Variants in SLC14A2 observed in about 807,000 individuals in gnomAD.
SLC14A2 encodes the protein urea transporter 2.
In SLC14A2, 91 loss-of-function variants were observed where a neutral mutation model predicts 104.6. The observed-to-expected ratio is 0.87, with a 90% CI of 0.73 to 1.04. SLC14A2 has a LOEUF of 1.04. Ranked by LOEUF, SLC14A2 falls within the 50% of genes least tolerant of loss-of-function variation. The pLI is 0.00. For synonymous variants in SLC14A2, 476 were observed against 466.4 expected (o/e 1.02, Z -0.27); for missense variants, 1,189 against 1,156.0 (o/e 1.03, Z -0.41).
intron 1 of SLC14A2, among the ~76,000 whole-genome samples, chr18:45,456,408 C>G (rs556368978): frequency 3.2e-4 from 49 of 152,346 alleles, no homozygotes; most frequent in African/African-American, 1.2e-3. Flanking sequence ...CTGTTAGTCT[C>G]CTTGCATCCA....
chr18:45,666,838 G>C, intron 12 of SLC14A2, 97 bp from the exon 13 acceptor site: 1 of 997,604 alleles, frequency 1.0e-6, no homozygotes, highest in Non-Finnish European at 1.5e-6. Flanking sequence ...AATACCAAAT[G>C]ACAATCTTAT....
At chr18:45,392,311 T>C (rs778761227) in intron 1 of SLC14A2, among the ~76,000 whole-genome samples, 10 of 152,318 alleles carry the variant, frequency 6.6e-5, no homozygotes, top group Middle Eastern at 3.4e-3. Context: ...TTTGATTTTG[T>C]TTGATCTATG....
chr18:45,433,490 A>G (rs1433746421), intron 1 of SLC14A2, among the ~76,000 whole-genome samples: 1 of 152,096 alleles, frequency 6.6e-6, no homozygotes, highest in Non-Finnish European at 1.5e-5. Context: ...TGCTTTCTTT[A>G]TTTCTGAAAC....
intron 1 of SLC14A2, among the ~76,000 whole-genome samples, chr18:45,246,452 A>G (rs940096488): frequency 6.6e-6 from 1 of 152,234 alleles, no homozygotes; most frequent in Non-Finnish European, 1.5e-5. Context: ...TACATATTTT[A>G]TATAGTGTAT....
chr18:45,188,121 G>A, the SLC14A2 span, among the ~76,000 whole-genome samples: 13,518 of 152,010 alleles, frequency 0.089, 644 homozygotes, highest in East Asian at 0.13. Flanking sequence ...ATAATCCAGG[G>A]GCCCTTATAA....
chr18:45,628,375 C>T (rs1443673962), intron 4 of SLC14A2, among the ~76,000 whole-genome samples: 9 of 149,100 alleles, frequency 6.0e-5, no homozygotes, highest in Non-Finnish European at 1.0e-4. Flanking sequence ...ACCCGGGAGG[C>T]GGAGGTTGCA....
chr18:45,378,329 G>T (rs992181865), intron 1 of SLC14A2, among the ~76,000 whole-genome samples: 1 of 152,208 alleles, frequency 6.6e-6, no homozygotes, highest in Non-Finnish European at 1.5e-5. Flanking sequence ...GGTCTCCAGA[G>T]TAAAATCTTA....
At chr18:45,364,421 CTG>C (rs1273318376) in intron 1 of SLC14A2, among the ~76,000 whole-genome samples, 1 of 152,170 alleles carries the variant, frequency 6.6e-6, no homozygotes, top group Admixed American at 6.5e-5. Context: ...CTCTTGATCA[CTG>C]TGAGAGTAGA....
At chr18:45,221,911 G>A (rs1475866501) in intron 1 of SLC14A2, among the ~76,000 whole-genome samples, 2 of 152,022 alleles carry the variant, frequency 1.3e-5, no homozygotes, top group East Asian at 3.9e-4. Flanking sequence ...TAAAAGTTGA[G>A]GATGGAGAGT....
rs756699173 is a variant in SLC14A2 at position 45,668,475 on chromosome 18, T to C, written c.2034T>C (p.Ser678=). 3.1e-6 allele frequency: 5 copies of C among 1,614,122 alleles called. No homozygotes were observed. In the Admixed American group the frequency reaches 8.3e-5, roughly 27 times the overall value. Residue 678 remains serine (S), a splice_region_variant and synonymous_variant, in exon 15 of 20, where the codon TCT becomes TCC. Transcript: ENST00000255226. ...TACCCGTCATCATCATGTCCATGTC[T>C]TGGTAAGTTTGCTTTTGAAGGGTTG... ...LLLPVIIMSM[S]CPILSSALGT... is the part of the protein sequence containing the mutation.
chr18:45,437,631 C>T (rs1475426386), intron 1 of SLC14A2, among the ~76,000 whole-genome samples: 1 of 152,294 alleles, frequency 6.6e-6, no homozygotes, highest in South Asian at 2.1e-4. Flanking sequence ...ACTCGGTCAC[C>T]GCCCTCCAGC....
chr18:45,594,263 A>G (rs1439609272), intron 2 of SLC14A2, among the ~76,000 whole-genome samples: 1 of 152,228 alleles, frequency 6.6e-6, no homozygotes, highest in Non-Finnish European at 1.5e-5. Flanking sequence ...ACCAGGATGC[A>G]GAGTATTAGG....
chr18:45,443,973 A>C (rs2086723702), intron 1 of SLC14A2, among the ~76,000 whole-genome samples: 1 of 152,190 alleles, frequency 6.6e-6, no homozygotes, highest in Non-Finnish European at 1.5e-5. Flanking sequence ...GCAGTACAAA[A>C]TTCCTGGAAA....
At chr18:45,390,389 T>G (rs2144409769) in intron 1 of SLC14A2, among the ~76,000 whole-genome samples, 1 of 152,284 alleles carries the variant, frequency 6.6e-6, no homozygotes, top group South Asian at 2.1e-4. Context: ...TGAGTGATCT[T>G]CCCATATGCT....
chr18:45,257,604 A>G (rs2084492870), intron 1 of SLC14A2, among the ~76,000 whole-genome samples: 4 of 152,176 alleles, frequency 2.6e-5, no homozygotes, highest in South Asian at 2.1e-4. Flanking sequence ...ATTGTTTCCA[A>G]TTGATTTCTT....
chr18:45,208,144 A>G (rs2083931122), upstream of SLC14A2, among the ~76,000 whole-genome samples: 1 of 152,202 alleles, frequency 6.6e-6, no homozygotes, highest in African/African-American at 2.4e-5. Context: ...ACAGATATGC[A>G]CTTCTCACAA....
intron 2 of SLC14A2, chr18:45,528,076 A>G (rs2043622651): frequency 6.7e-6 from 1 of 149,242 alleles, no homozygotes; most frequent in Non-Finnish European, 1.5e-5. Flanking sequence ...TCCTCCCTCC[A>G]GGCAGATGCA....
Position 45,221,953 on chromosome 18 carries a change from C to A in SLC14A2, c.-125+8762C>A, listed in dbSNP as rs1027400155. Reference sequence around the variant, plus strand: ...CCTCAAAATAAGCAAGGTTGGAAGACCCATGGTGGATCAAAAATGAGCATA... The same window carrying A: ...CCTCAAAATAAGCAAGGTTGGAAGAACCATGGTGGATCAAAAATGAGCATA... On this transcript the variant is annotated intron_variant, in intron 1 of 20. Coordinates refer to the SLC14A2 transcript ENST00000586448. 3.9e-5 allele frequency among the ~76,000 whole-genome samples: 6 copies of A among 152,012 alleles called. 1 individual carries two copies. The South Asian group carries it at 1.2e-3, about 32-fold the overall frequency.
the SLC14A2 span, among the ~76,000 whole-genome samples, chr18:45,206,559 A>G: frequency 6.6e-6 from 1 of 152,198 alleles, no homozygotes; most frequent in Admixed American, 6.5e-5. Flanking sequence ...TGAAAATTCT[A>G]TGATTATATT....
Sources: allele counts gnomAD v4.1 joint callset (sites outside exome capture counted in the v4.1 genomes callset), GRCh38; gene constraint gnomAD v4.1.1; transcripts MANE v1.5; gene names NCBI Gene and HGNC (gene_info 2026-07-23, HGNC 2026-07-21).